The following OPN3 variants were observed in gnomAD, a reference collection of about 807,000 sequenced individuals.
The protein encoded by OPN3 is opsin 3.
OPN3 carries 29 observed loss-of-function variants against 33.8 expected under a neutral mutation model. That is an observed-to-expected ratio of 0.86 (90% CI 0.64 to 1.17). The LOEUF (loss-of-function observed/expected upper bound fraction) is 1.17. Ranked by LOEUF, OPN3 falls within the 50% of genes most tolerant of loss-of-function variation. OPN3 has a pLI of 0.00. For missense variants in OPN3, 437 were observed against 514.1 expected (o/e 0.85, Z 1.45); for synonymous variants, 216 against 216.1 (o/e 1.00, Z 0.00).
chr1:241,602,913 T>C (rs995365220), intron 2 of OPN3, among the ~76,000 whole-genome samples: 33 of 152,306 alleles, frequency 2.2e-4, no homozygotes, highest in African/African-American at 7.7e-4. Flanking sequence ...GGTAAATGAA[T>C]GCTTAGTGAG....
Position 241,633,958 on chromosome 1 carries a change from A to C in OPN3, c.373+5924T>G, listed in dbSNP as rs1443448251. 15 of 1,613,904 alleles carry C rather than the reference A, an allele frequency of 9.3e-6. No homozygotes were observed. The East Asian group carries it at 3.1e-4, about 34-fold the overall frequency. On this transcript the variant is annotated intron_variant, in intron 1 of 3. Coordinates refer to ENST00000366554, the MANE Select transcript of OPN3 (RefSeq NM_014322.3). Reference sequence around the variant, plus strand: ...TTGGAGGTGGAGGGCAGAATTCTTCAGTTGGAAAGATCTCCTGGAAAAGTG... The same window carrying C: ...TTGGAGGTGGAGGGCAGAATTCTTCCGTTGGAAAGATCTCCTGGAAAAGTG...
At chr1:241,637,247 T>G (rs984884773) in intron 1 of OPN3, among the ~76,000 whole-genome samples, 2 of 152,200 alleles carry the variant, frequency 1.3e-5, no homozygotes, top group Non-Finnish European at 2.9e-5. Context: ...TAATCCTGGA[T>G]ACTGGAAAAA....
rs189410467 is a variant in OPN3, at chr1:241,593,641, T to C, written c.*787A>G. 9.8e-6 allele frequency: 2 copies of C among 204,322 alleles called. No individual in the cohort carries two copies. Among genetic ancestry groups the C allele is most frequent in the African/African-American group, 4.5e-5 (2 of 44,402 alleles). The allele number at this position is 204,322 out of a possible 1,614,324, so 12.7% of individuals were successfully genotyped here. On this transcript the variant is annotated 3_prime_UTR_variant, in exon 4 of 4. Coordinates refer to ENST00000366554, the MANE Select transcript of OPN3 (RefSeq NM_014322.3). Reference sequence around the variant, plus strand: ...ACAAACATAAATTTATTAGCGGGTATATGTAATATATATGTGGGAAATACA... The same window carrying C: ...ACAAACATAAATTTATTAGCGGGTACATGTAATATATATGTGGGAAATACA...
chr1:241,634,273 G>C, intron 1 of OPN3: 2 of 1,613,914 alleles, frequency 1.2e-6, no homozygotes, highest in Non-Finnish European at 1.7e-6. Flanking sequence ...TGCATGTCAT[G>C]GTTGAAGAAC....
rs1252051689 is a variant in OPN3, at chr1:241,604,482, G to A, written c.471C>T (p.Ala157=). 2 of 1,614,180 alleles carry A rather than the reference G, an allele frequency of 1.2e-6. No homozygotes were observed. The highest frequency in any genetic ancestry group is 1.7e-6 in the Non-Finnish European group (2 of 1,180,032). ...GTGAGTAGAGCCAGATGTAGGTAAT[G>A]GCCCTCCAGGCCCAGGAAAAATTGA... ...RVINFSWAWR[A]ITYIWLYSLA... The change falls in exon 2 of 4, where the codon GCC becomes GCT. Residue 157 remains alanine, a synonymous_variant. Coordinates refer to ENST00000366554, the MANE Select transcript of OPN3 (RefSeq NM_014322.3).
intron 1 of OPN3, among the ~76,000 whole-genome samples, chr1:241,609,119 A>G (rs613032): frequency 0.12 from 17,948 of 152,244 alleles, 1,165 homozygotes; most frequent in East Asian, 0.3. Flanking sequence ...AATAAAAACT[A>G]CATGGTACAT....
At chr1:241,627,890 G>T (rs1426733668) in intron 1 of OPN3, among the ~76,000 whole-genome samples, 1 of 152,038 alleles carries the variant, frequency 6.6e-6, no homozygotes, top group Non-Finnish European at 1.5e-5. Context: ...GAATTTCTTG[G>T]TATTGAAACT....
chr1:241,635,970 A>T, intron 1 of OPN3: 1 of 537,538 alleles, frequency 1.9e-6, no homozygotes, highest in Non-Finnish European at 3.3e-6. Flanking sequence ...ACATCTAATC[A>T]CATCTGAGAA....
At chr1:241,611,560 A>G (rs1291505055) in intron 1 of OPN3, among the ~76,000 whole-genome samples, 2 of 152,064 alleles carry the variant, frequency 1.3e-5, no homozygotes, top group Admixed American at 6.5e-5. Context: ...TATTCCAGGA[A>G]GAGAAAACAG....
At chr1:241,634,729 T>C (rs1664807675) in intron 1 of OPN3, 5 of 1,614,026 alleles carry the variant, frequency 3.1e-6, no homozygotes, top group Non-Finnish European at 4.2e-6. Flanking sequence ...ATGATTCTGA[T>C]GTCATTGCAA....
chr1:241,617,055 T>C (rs1403817239), intron 1 of OPN3, among the ~76,000 whole-genome samples: 1 of 152,230 alleles, frequency 6.6e-6, no homozygotes, highest in Non-Finnish European at 1.5e-5. Flanking sequence ...TATTTTATAA[T>C]TTTCAAAGTA....
At position 241,640,196 on chromosome 1, in the gene OPN3, C is replaced by A. The variant is rs538845600; in HGVS notation, c.59G>T (p.Gly20Val). ...CCCCGCCGGCGCCGGCCCCTCAGCG[C>A]CCGCGGCCCCGCCGCCGTCCCAGTA... is the stretch of plus-strand genomic sequence containing the variant. Reference protein sequence around the residue: ...HGYWDGGGAAGAEGPAPAGTL... With the variant: ...HGYWDGGGAAVAEGPAPAGTL... The change falls in exon 1 of 4, where the codon GGC becomes GTC. Residue 20 changes from glycine (G) to valine (V), a missense_variant. Coordinates refer to ENST00000366554, the MANE Select transcript of OPN3 (RefSeq NM_014322.3). 3.9e-5 allele frequency: 54 copies of A among 1,370,132 alleles called. 2 individuals are homozygous for A. In the South Asian group the frequency reaches 7.6e-4, roughly 19 times the overall value. The allele number at this position is 1,370,132 out of a possible 1,614,324, so 84.9% of individuals were successfully genotyped here. A position where few individuals can be genotyped will look rare whatever the true frequency, so the allele number is the denominator to read the frequency against.
chr1:241,615,889 T>G (rs1664111785), intron 1 of OPN3: 2 of 456,574 alleles, frequency 4.4e-6, no homozygotes, highest in Admixed American at 4.7e-5. Flanking sequence ...ACTGGACCCA[T>G]GGAGGCTCTG....
At chr1:241,629,823 ATT>A (rs1664552360) in intron 1 of OPN3, 2 of 152,200 alleles carry the variant, frequency 1.3e-5, no homozygotes, top group Middle Eastern at 3.4e-3. Context: ...CCATTGGCTT[ATT>A]AATTTCAGTT....
chr1:241,595,512 C>G (rs1389036501), intron 3 of OPN3: 1 of 152,172 alleles, frequency 6.6e-6, no homozygotes, highest in Non-Finnish European at 1.5e-5. Flanking sequence ...AGTAGTCGGT[C>G]CATCATGACC....
intron 1 of OPN3, among the ~76,000 whole-genome samples, chr1:241,636,842 G>C (rs2784164): frequency 0.33 from 50,118 of 151,878 alleles, 8,644 homozygotes; most frequent in East Asian, 0.52. Flanking sequence ...AGTGATGTTT[G>C]CATTTCGCCA....
intron 1 of OPN3, chr1:241,629,992 C>T (rs1210205368): frequency 6.6e-6 from 1 of 152,016 alleles, no homozygotes; most frequent in Admixed American, 6.6e-5. Flanking sequence ...ATGCCATATT[C>T]CACACAGCAA....
Position 241,604,554 on chromosome 1 carries a change from G to C in OPN3, c.399C>G (p.Thr133=). The change falls in exon 2 of 4, where the codon ACC becomes ACG. Residue 133 remains threonine (T), a synonymous_variant. Coordinates refer to ENST00000366554, the MANE Select transcript of OPN3 (RefSeq NM_014322.3). ...GAATGTAACGTTCATAGGCCAGCAC[G>C]GTTAGGGTGGCAATGGAAACAATCC... ...LFGIVSIATL[T]VLAYERYIRV... 1 of 1,611,576 alleles carries C rather than the reference G, an allele frequency of 6.2e-7. No homozygotes were observed. Among genetic ancestry groups the C allele is most frequent in the Non-Finnish European group, 8.5e-7 (1 of 1,178,156 alleles).
rs1665082715 is a variant in OPN3, at chr1:241,640,360, A to T, written c.-106T>A. ...TGGGGCTCCGCCGCCTGCTCTAGCC[A>T]TTGTGCACTGAGGGGCCCGCGCTAC... On this transcript the variant is annotated 5_prime_UTR_variant, in exon 1 of 4. The change abolishes an upstream ATG in the 5' untranslated region. Transcript: ENST00000366554. The T allele has an allele frequency of 6.8e-6, 7 of 1,032,896 alleles. No individual in the cohort carries two copies. Among genetic ancestry groups the T allele is most frequent in the Admixed American group, 5.5e-5 (1 of 18,290 alleles). 64.0% of individuals were successfully genotyped at this position (1,032,896 alleles called of 1,614,324 possible).
Sources: allele counts gnomAD v4.1 joint callset (sites outside exome capture counted in the v4.1 genomes callset), GRCh38; gene constraint gnomAD v4.1.1; transcripts MANE v1.5; gene names NCBI Gene and HGNC (gene_info 2026-07-23, HGNC 2026-07-21).